RALY: variants seen among roughly 807,000 people sequenced by gnomAD.
RALY encodes RNA-binding protein Raly.
RALY carries 15 observed loss-of-function variants against 30.7 expected under a neutral mutation model. The observed-to-expected ratio is 0.49, with a 90% CI of 0.33 to 0.75. The LOEUF is 0.75. Among genes scored for constraint, RALY ranks in the 30% least tolerant of loss-of-function variants. The pLI is 0.02. For missense variants in RALY, 339 were observed against 414.3 expected (o/e 0.82, Z 1.58); for synonymous variants, 177 against 170.8 (o/e 1.04, Z -0.28).
At chr20:34,046,732 A>C (rs1052753852) in intron 2 of RALY, among the ~76,000 whole-genome samples, 4 of 148,036 alleles carry the variant, frequency 2.7e-5, no homozygotes, top group African/African-American at 5.0e-5. Context: ...CCAGGTTAGG[A>C]TTCAGTATAT....
At chr20:34,027,350 T>C (rs920579873) in intron 1 of RALY, among the ~76,000 whole-genome samples, 9 of 152,294 alleles carry the variant, frequency 5.9e-5, no homozygotes, top group South Asian at 2.1e-4. Flanking sequence ...AAAATGGACA[T>C]GTCATCACCT....
At chr20:33,998,821 G>A (rs1007102651) in intron 1 of RALY, among the ~76,000 whole-genome samples, 4 of 151,994 alleles carry the variant, frequency 2.6e-5, no homozygotes, top group African/African-American at 4.8e-5. Flanking sequence ...GTGTGCAAGA[G>A]TGTGTGCAGA....
chr20:34,076,681 C>T (rs771761834), intron 6 of RALY, 21 bp from the exon 7 acceptor site: 1 of 1,608,266 alleles, frequency 6.2e-7, no homozygotes, highest in African/African-American at 1.3e-5. Context: ...GGTGACAGCC[C>T]TGTCCCCCCT....
At chr20:34,071,555 G>A (rs760848018) in intron 2 of RALY, among the ~76,000 whole-genome samples, 27 of 152,150 alleles carry the variant, frequency 1.8e-4, no homozygotes, top group Non-Finnish European at 3.7e-4. Flanking sequence ...TGGGATTACA[G>A]TTGTGAGCCA....
At position 34,077,156 on chromosome 20, in the gene RALY, A is replaced by G. The variant is rs1445855386; in HGVS notation, c.787A>G (p.Thr263Ala). ...GCCACCAGCCCCCCAAGAGAACACA[A>G]CTTCTGAGGCAGGCCTGCCCCAGGG... ...SRPPAPQENTTSEAGLPQGEA... is the reference protein window; with the variant it reads ...SRPPAPQENTASEAGLPQGEA... The change falls in exon 8 of 10, where the codon ACT becomes GCT. Residue 263 changes from threonine to alanine, a missense_variant. By Grantham distance (58) the Thr-to-Ala change is moderately conservative. Transcript: ENST00000246194. 11 of 1,613,424 alleles carry G rather than the reference A, an allele frequency of 6.8e-6. No homozygotes were observed. The highest frequency in any genetic ancestry group is 8.5e-6 in the Non-Finnish European group (10 of 1,179,890).
intron 2 of RALY, among the ~76,000 whole-genome samples, chr20:34,050,618 A>G (rs1416996290): frequency 6.6e-6 from 1 of 152,288 alleles, no homozygotes; most frequent in Admixed American, 6.5e-5. Context: ...GGTAGTCTCT[A>G]TCTGAGAGTG....
chr20:34,067,733 A>C (rs970500171), intron 2 of RALY, among the ~76,000 whole-genome samples: 1 of 151,920 alleles, frequency 6.6e-6, no homozygotes, highest in African/African-American at 2.4e-5. Flanking sequence ...TTATGCAGCA[A>C]TTGTTTCTCC....
At chr20:34,021,333 T>C (rs1476319628) in intron 1 of RALY, among the ~76,000 whole-genome samples, 7 of 152,140 alleles carry the variant, frequency 4.6e-5, no homozygotes, top group Non-Finnish European at 1.0e-4. Context: ...TTACAAACAA[T>C]AGAAGTTTGT....
At chr20:33,997,258 G>C (rs1381905109) in intron 1 of RALY, among the ~76,000 whole-genome samples, 1 of 152,146 alleles carries the variant, frequency 6.6e-6, no homozygotes, top group Non-Finnish European at 1.5e-5. Context: ...GGGACTACAG[G>C]CATGCACCAT....
At chr20:34,062,057 T>C (rs1003818462) in intron 2 of RALY, among the ~76,000 whole-genome samples, 3 of 152,212 alleles carry the variant, frequency 2.0e-5, no homozygotes, top group Admixed American at 6.5e-5. Flanking sequence ...CCCTAGATCA[T>C]GCAGCATATC....
chr20:34,072,179 A>G lies in RALY; in HGVS notation c.105A>G (p.Lys35=). The G allele has an allele frequency of 6.2e-7, 1 of 1,614,238 alleles. No individual in the cohort carries two copies. Among genetic ancestry groups the G allele is most frequent in the Non-Finnish European group, 8.5e-7 (1 of 1,180,044 alleles). ...ACCTCAACACAGCTCTGGTGAAGAA[A>G]TCAGATGTGGAGACCATCTTCTCTA... ...IGNLNTALVK[K]SDVETIFSKY... is the part of the protein sequence containing the mutation. Residue 35 remains lysine (K), a synonymous_variant, in exon 3 of 10, where the codon AAA becomes AAG. Coordinates refer to ENST00000246194, the MANE Select transcript of RALY (RefSeq NM_016732.3).
intron 2 of RALY, among the ~76,000 whole-genome samples, chr20:34,063,516 T>C (rs1014942556): frequency 1.3e-5 from 2 of 152,214 alleles, no homozygotes; most frequent in African/African-American, 4.8e-5. Context: ...TCTCATTAGA[T>C]TGTGATCAGG....
chr20:34,038,390 A>G (rs1470278724), intron 2 of RALY, among the ~76,000 whole-genome samples: 1 of 152,138 alleles, frequency 6.6e-6, no homozygotes, highest in Non-Finnish European at 1.5e-5. Context: ...TGGTTCTAGA[A>G]CCTTGAGATG....
chr20:34,057,599 G>A (rs938855279), intron 2 of RALY, among the ~76,000 whole-genome samples: 3 of 150,278 alleles, frequency 2.0e-5, no homozygotes, highest in East Asian at 4.0e-4. Context: ...CCTGGGAGGC[G>A]GAGCTTACAG....
At chr20:34,034,494 C>T (rs889322365) in intron 2 of RALY, among the ~76,000 whole-genome samples, 2 of 152,110 alleles carry the variant, frequency 1.3e-5, no homozygotes, top group African/African-American at 4.8e-5. Flanking sequence ...TAACAACTGC[C>T]CTGTGAAAAA....
intron 8 of RALY, chr20:34,077,617 A>C: frequency 3.0e-6 from 1 of 338,174 alleles, no homozygotes; most frequent in East Asian, 8.3e-5. Flanking sequence ...GTTTTTCTAA[A>C]AGCCATTGCT....
intron 2 of RALY, among the ~76,000 whole-genome samples, chr20:34,046,142 G>A (rs1370504655): frequency 6.6e-6 from 1 of 152,190 alleles, no homozygotes; most frequent in Non-Finnish European, 1.5e-5. Context: ...TGCTAACTCT[G>A]CATCCTTGCT....
chr20:33,998,642 T>C (rs189833971), intron 1 of RALY, among the ~76,000 whole-genome samples: 11 of 152,162 alleles, frequency 7.2e-5, no homozygotes, highest in Middle Eastern at 3.4e-3. Flanking sequence ...GTTGAGGAGT[T>C]TGGACTTCAT....
chr20:34,023,497 C>G (rs2031906756), intron 1 of RALY, among the ~76,000 whole-genome samples: 1 of 152,168 alleles, frequency 6.6e-6, no homozygotes, highest in African/African-American at 2.4e-5. Flanking sequence ...AAGTGGACAT[C>G]CAGGCTGGCA....
Sources: gnomAD v4.1 joint callset for allele counts (sites outside exome capture counted in the v4.1 genomes callset) on GRCh38, gnomAD v4.1.1 for gene constraint, MANE v1.5 for transcripts, NCBI Gene and HGNC (gene_info 2026-07-23, HGNC 2026-07-21) for gene names.